The following GRID2 variants were observed in gnomAD, a reference collection of about 807,000 sequenced individuals.
GRID2 encodes glutamate ionotropic receptor delta type subunit 2.
In GRID2, 33 loss-of-function variants were observed where a neutral mutation model predicts 114.8. The ratio of observed to expected loss-of-function variants is 0.29; its 90% CI spans 0.22 to 0.38. The LOEUF (loss-of-function observed/expected upper bound fraction) is 0.38. GRID2 is among the 10% of genes least tolerant of loss of function. GRID2 has a pLI of 1.00. For missense variants in GRID2, 1,184 were observed against 1,257.7 expected, an observed-to-expected ratio of 0.94 and a Z score of 0.89; for synonymous variants, 505 against 449.9, an observed-to-expected ratio of 1.12 and a Z score of -1.55.
At chr4:92,499,894 C>T (rs1417241710) in intron 1 of GRID2, among the ~76,000 whole-genome samples, 3 of 152,228 alleles carry the variant, frequency 2.0e-5, no homozygotes, top group East Asian at 3.9e-4. Flanking sequence ...GGATTACAGG[C>T]GTGCGCCATT....
chr4:93,590,081 T>G (rs1200918589), intron 13 of GRID2, among the ~76,000 whole-genome samples: 1 of 150,482 alleles, frequency 6.6e-6, no homozygotes, highest in Non-Finnish European at 1.5e-5. Context: ...GTCAGTTTTG[T>G]CTTTTGTTGT....
chr4:92,981,536 C>A (rs929903088), intron 2 of GRID2, among the ~76,000 whole-genome samples: 1 of 151,958 alleles, frequency 6.6e-6, no homozygotes, highest in Non-Finnish European at 1.5e-5. Context: ...CTGCGGCTAA[C>A]CCTCATTTCC....
chr4:93,016,011 A>C (rs1185217753), intron 2 of GRID2, among the ~76,000 whole-genome samples: 1 of 151,890 alleles, frequency 6.6e-6, no homozygotes, highest in Admixed American at 6.6e-5. Flanking sequence ...TAGTATCTAC[A>C]AAGAGTTAAG....
intron 8 of GRID2, among the ~76,000 whole-genome samples, chr4:93,299,680 C>A (rs1375085508): frequency 6.6e-6 from 1 of 151,752 alleles, no homozygotes; most frequent in Non-Finnish European, 1.5e-5. Context: ...TCCACATGTA[C>A]CCTAGAACTT....
chr4:92,776,884 C>T lies in GRID2; in HGVS notation c.244+186598C>T, dbSNP rs201874393. Among the ~76,000 whole-genome samples the T allele has an allele frequency of 1.0e-3, 158 of 151,808 alleles. 1 individual carries two copies. The highest frequency in any genetic ancestry group is 8.3e-3 in the Admixed American group (126 of 15,220). On this transcript the variant is annotated intron_variant, in intron 2 of 15. Transcript: ENST00000282020. Reference sequence around the variant, plus strand: ...GATAAGAACTAAAGAAATGCTTTTTCTGATCCCTGGAGAATTTAATTATGA... The same window carrying T: ...GATAAGAACTAAAGAAATGCTTTTTTTGATCCCTGGAGAATTTAATTATGA...
At chr4:92,519,885 C>T (rs567399508) in intron 1 of GRID2, among the ~76,000 whole-genome samples, 2 of 151,946 alleles carry the variant, frequency 1.3e-5, no homozygotes, top group South Asian at 2.1e-4. Context: ...CTCTCTTACT[C>T]AGTCCTTTGG....
intron 14 of GRID2, among the ~76,000 whole-genome samples, chr4:93,656,334 A>G (rs13133556): frequency 0.21 from 31,733 of 152,002 alleles, 3,568 homozygotes; most frequent in Middle Eastern, 0.36. Context: ...CTATGGGGGC[A>G]TTGAGAATAA....
At chr4:92,843,747 C>A (rs570728477) in intron 2 of GRID2, among the ~76,000 whole-genome samples, 2 of 152,134 alleles carry the variant, frequency 1.3e-5, no homozygotes, top group Admixed American at 6.6e-5. Context: ...TTTACAATAA[C>A]CTTCAAATAT....
intron 8 of GRID2, among the ~76,000 whole-genome samples, chr4:93,321,414 A>G (rs947568523): frequency 6.6e-6 from 1 of 152,140 alleles, no homozygotes; most frequent in Non-Finnish European, 1.5e-5. Context: ...AACTAGTTAT[A>G]CAGGTGATGG....
chr4:92,503,281 AG>A (rs1394631986), intron 1 of GRID2, among the ~76,000 whole-genome samples: 2 of 152,038 alleles, frequency 1.3e-5, no homozygotes, highest in Non-Finnish European at 2.9e-5. Flanking sequence ...AAATAAGTTT[AG>A]TTTCTCCTTT....
chr4:92,730,214 A>C (rs948644661), intron 2 of GRID2, among the ~76,000 whole-genome samples: 1 of 151,892 alleles, frequency 6.6e-6, no homozygotes, highest in African/African-American at 2.4e-5. Context: ...TTTGCATTCT[A>C]TAATACCCCA....
At chr4:92,958,797 C>T (rs1373348280) in intron 2 of GRID2, among the ~76,000 whole-genome samples, 1 of 151,900 alleles carries the variant, frequency 6.6e-6, no homozygotes, top group African/African-American at 2.4e-5. Flanking sequence ...CCCATCTGGG[C>T]CTTGTACTTT....
chr4:93,039,605 GGAGACCAGTTATATCTAACAGAGGGC>G (rs1725292824), intron 2 of GRID2, among the ~76,000 whole-genome samples: 2 of 152,032 alleles, frequency 1.3e-5, no homozygotes, highest in African/African-American at 4.8e-5. Flanking sequence ...GTTTTGTAAT[GGAGACCAGTTATATCTAACAGAGGGC>G]AACAGTGTCT....
intron 14 of GRID2, among the ~76,000 whole-genome samples, chr4:93,719,830 G>A (rs1729203594): frequency 6.6e-6 from 1 of 152,144 alleles, no homozygotes; most frequent in South Asian, 2.1e-4. Context: ...GATAGAACAA[G>A]CATCTTTTCC....
Position 93,304,439 on chromosome 4 carries a change from C to T in GRID2, c.1245+65949C>T, listed in dbSNP as rs538062099. 1.1e-4 allele frequency among the ~76,000 whole-genome samples: 17 copies of T among 151,710 alleles called. No individual in the cohort carries two copies. The East Asian group carries it at 2.9e-3, about 26-fold the overall frequency. ...TTTACTAGAGGTGCTTTTTTCCCCC[C>T]TTAGGAAAAGTATGGCTTCTCTTTG... On this transcript the variant is annotated intron_variant, in intron 8 of 15. Transcript: ENST00000282020.
At chr4:92,860,922 G>T (rs966821302) in intron 2 of GRID2, among the ~76,000 whole-genome samples, 1 of 152,092 alleles carries the variant, frequency 6.6e-6, no homozygotes, top group Non-Finnish European at 1.5e-5. Context: ...AGTTTAGGAA[G>T]GTGTGTGGGG....
At chr4:93,182,272 C>G (rs934402920) in intron 4 of GRID2, among the ~76,000 whole-genome samples, 1 of 151,184 alleles carries the variant, frequency 6.6e-6, no homozygotes, top group Non-Finnish European at 1.5e-5. Flanking sequence ...TTGTGTAGAT[C>G]ACTTTAACAG....
chr4:93,334,437 A>T (rs1758820004), intron 8 of GRID2, among the ~76,000 whole-genome samples: 1 of 152,150 alleles, frequency 6.6e-6, no homozygotes, highest in Admixed American at 6.5e-5. Context: ...ATATGATTAG[A>T]CCTCTAGGAC....
chr4:93,792,336 T>C (rs1337963363), intron 1 of GRID2, among the ~76,000 whole-genome samples: 2 of 152,136 alleles, frequency 1.3e-5, no homozygotes, highest in Non-Finnish European at 2.9e-5. Context: ...CATACACATC[T>C]GTACCTTTAA....
Sources: gnomAD v4.1 joint callset for allele counts (sites outside exome capture counted in the v4.1 genomes callset) on GRCh38, gnomAD v4.1.1 for gene constraint, MANE v1.5 for transcripts, NCBI Gene and HGNC (gene_info 2026-07-23, HGNC 2026-07-21) for gene names.